MYT1L: variants seen among roughly 807,000 people sequenced by gnomAD.
MYT1L encodes myelin transcription factor 1 like.
Under a neutral mutation model 126.7 loss-of-function variants are expected in MYT1L, and 12 were observed. That is an observed-to-expected ratio of 0.09 (90% CI 0.06 to 0.15). MYT1L has a LOEUF of 0.15. Ranked by LOEUF, MYT1L falls within the 10% of genes least tolerant of loss-of-function variation. MYT1L has a pLI of 1.00. For synonymous variants in MYT1L, 541 were observed against 604.2 expected (o/e 0.90, Z 1.53); for missense variants, 979 against 1,585.2 (o/e 0.62, Z 6.49).
At chr2:1,876,685 C>T (rs892294032) in intron 18 of MYT1L, among the ~76,000 whole-genome samples, 1 of 152,232 alleles carries the variant, frequency 6.6e-6, no homozygotes, top group African/African-American at 2.4e-5. Flanking sequence ...CTGCACCCCA[C>T]TGCCAGGGCT....
chr2:2,094,270 C>T (rs2077198157), intron 3 of MYT1L, among the ~76,000 whole-genome samples: 2 of 152,116 alleles, frequency 1.3e-5, no homozygotes, highest in South Asian at 4.2e-4. Context: ...CAGGAAACAA[C>T]AGGTGCTGGA....
chr2:2,184,073 GA>G lies in MYT1L; in HGVS notation c.-420-11086del, dbSNP rs532530240. 9.4e-5 allele frequency among the ~76,000 whole-genome samples: 14 copies of G among 149,464 alleles called. No individual in the cohort carries two copies. In the East Asian group the frequency reaches 2.2e-3, roughly 24 times the overall value. On this transcript the variant is annotated intron_variant, in intron 2 of 24. Transcript: ENST00000647738. ...AGAAAGAAAGAAAAAAGGGGAGAGA[GA>G]AACAGAGAGAGGGAGGGAGGGAAAG...
chr2:1,815,440 C>G (rs779212744), intron 21 of MYT1L, among the ~76,000 whole-genome samples: 2 of 152,250 alleles, frequency 1.3e-5, no homozygotes, highest in Non-Finnish European at 2.9e-5. Context: ...TCTACCCCAG[C>G]AGGGTCATCC....
chr2:2,070,056 G>T (rs1182184971), intron 3 of MYT1L, among the ~76,000 whole-genome samples: 1 of 151,598 alleles, frequency 6.6e-6, no homozygotes, highest in Non-Finnish European at 1.5e-5. Flanking sequence ...CCATCACATG[G>T]TACACCATAA....
At chr2:1,978,780 T>C (rs2060371888) in intron 8 of MYT1L, among the ~76,000 whole-genome samples, 1 of 152,136 alleles carries the variant, frequency 6.6e-6, no homozygotes, top group South Asian at 2.1e-4. Flanking sequence ...GGTCACATTT[T>C]AATTGACCGT....
intron 14 of MYT1L, among the ~76,000 whole-genome samples, chr2:1,900,762 C>T (rs1425269598): frequency 1.3e-5 from 2 of 152,132 alleles, no homozygotes; most frequent in African/African-American, 2.4e-5. Flanking sequence ...TGCACTGTGG[C>T]GAGAGGCTGC....
At chr2:2,102,446 T>G (rs959459693) in intron 3 of MYT1L, among the ~76,000 whole-genome samples, 7 of 152,162 alleles carry the variant, frequency 4.6e-5, no homozygotes, top group African/African-American at 1.7e-4. Flanking sequence ...TAATTTCATC[T>G]GCCGAATTCC....
rs138318659 is a variant in MYT1L, at chr2:1,885,805, C to G, written c.2711+734G>C. On this transcript the variant is annotated intron_variant, in intron 18 of 24. Transcript: ENST00000647738. ...CTGTGTGCACCTGCACGTATGCTCT[C>G]CCCGGATTGCGGAGGCTTTGAGACT... Among the ~76,000 whole-genome samples, 94 of 152,290 alleles carry G rather than the reference C, an allele frequency of 6.2e-4. 1 individual carries two copies. The East Asian group carries it at 0.016, about 26-fold the overall frequency.
intron 18 of MYT1L, among the ~76,000 whole-genome samples, chr2:1,874,686 C>T (rs992773691): frequency 6.6e-6 from 1 of 152,198 alleles, no homozygotes; most frequent in Non-Finnish European, 1.5e-5. Context: ...GAGGGAGCCA[C>T]GTCCCTCTGC....
chr2:2,087,870 A>G (rs942674437), intron 3 of MYT1L, among the ~76,000 whole-genome samples: 1 of 152,234 alleles, frequency 6.6e-6, no homozygotes, highest in African/African-American at 2.4e-5. Context: ...GCTTGCTAAC[A>G]TGGGAACCAT....
chr2:2,157,160 C>A (rs1297400287), intron 3 of MYT1L, among the ~76,000 whole-genome samples: 1 of 152,142 alleles, frequency 6.6e-6, no homozygotes, highest in Non-Finnish European at 1.5e-5. Flanking sequence ...GATCAGTGAA[C>A]CTACTGTCTA....
In MYT1L at chr2:2,064,986, A is replaced by C. The variant is rs992184006; in HGVS notation, c.-303-10863T>G. ...GGCTAAGTTGGGAAGATCACTTGAG[A>C]CCAAGAGTTGGAGACCAGCCTGGGA... On this transcript the variant is annotated intron_variant, in intron 3 of 24. Coordinates refer to ENST00000647738, the MANE Select transcript of MYT1L (RefSeq NM_001303052.2). 1.4e-4 allele frequency among the ~76,000 whole-genome samples: 22 copies of C among 152,186 alleles called. No homozygotes were observed. In the East Asian group the frequency reaches 4.3e-3, roughly 29 times the overall value.
chr2:2,057,781 T>C (rs1339559996), intron 3 of MYT1L, among the ~76,000 whole-genome samples: 1 of 152,246 alleles, frequency 6.6e-6, no homozygotes. Flanking sequence ...AATAGTTTAT[T>C]CTTTCTAATG....
Position 2,264,560 on chromosome 2 carries a change from G to A in MYT1L, c.-421+19844C>T, listed in dbSNP as rs561607445. 5.9e-5 allele frequency among the ~76,000 whole-genome samples: 9 copies of A among 152,254 alleles called. No homozygotes were observed. The South Asian group carries it at 6.2e-4, about 11-fold the overall frequency. ...CAGAACAGTAAGGCACTAATTCTGC[G>A]GGGTTGGCTTCGATGGACTTCAGGT... On this transcript the variant is annotated intron_variant, in intron 2 of 24. Transcript: ENST00000647738.
At chr2:1,798,283 C>T (rs1015864447) in intron 23 of MYT1L, among the ~76,000 whole-genome samples, 12 of 152,014 alleles carry the variant, frequency 7.9e-5, no homozygotes, top group African/African-American at 2.9e-4. Context: ...CGGTCTTCCC[C>T]ATCCGGCACA....
intron 1 of MYT1L, among the ~76,000 whole-genome samples, chr2:2,312,858 G>T (rs1462716627): frequency 6.6e-6 from 1 of 151,976 alleles, no homozygotes; most frequent in Admixed American, 6.6e-5. Context: ...GGGAAGAAAG[G>T]GGGGTTCTGG....
intron 2 of MYT1L, among the ~76,000 whole-genome samples, chr2:2,221,736 G>T (rs2093879630): frequency 6.6e-6 from 1 of 152,118 alleles, no homozygotes; most frequent in Non-Finnish European, 1.5e-5. Context: ...ACTTCAGTAA[G>T]GTCTTGTCTG....
In MYT1L at chr2:2,034,258, C is replaced by G. The variant is rs910077057; in HGVS notation, c.-158+19720G>C. Among the ~76,000 whole-genome samples, 5 of 152,020 alleles carry G rather than the reference C, an allele frequency of 3.3e-5. No homozygotes were observed. In the South Asian group the frequency reaches 1.0e-3, roughly 32 times the overall value. On this transcript the variant is annotated intron_variant, in intron 4 of 24. Coordinates refer to ENST00000647738, the MANE Select transcript of MYT1L (RefSeq NM_001303052.2). ...CTCTATGAACACCCACAACTTCATG[C>G]GGGTGCAGAAGAGAGCTCCTAACTT...
chr2:2,156,552 T>C (rs2086755371), intron 3 of MYT1L, among the ~76,000 whole-genome samples: 1 of 152,266 alleles, frequency 6.6e-6, no homozygotes, highest in Non-Finnish European at 1.5e-5. Context: ...AGTTTAAAAA[T>C]TTAATGTAGA....
Sources: gnomAD v4.1 joint callset for allele counts (sites outside exome capture counted in the v4.1 genomes callset) on GRCh38, gnomAD v4.1.1 for gene constraint, MANE v1.5 for transcripts, NCBI Gene and HGNC (gene_info 2026-07-23, HGNC 2026-07-21) for gene names.